PLXNA1: variants seen among roughly 807,000 people sequenced by gnomAD.
PLXNA1 encodes plexin A1.
PLXNA1 carries 77 observed loss-of-function variants against 191.7 expected under a neutral mutation model. That is an observed-to-expected ratio of 0.40 (90% confidence interval 0.33 to 0.49). The LOEUF (loss-of-function observed/expected upper bound fraction) is 0.49, where lower values mean the gene tolerates loss of function less well. Ranked by LOEUF, PLXNA1 falls within the 20% of genes least tolerant of loss-of-function variation. The probability of loss-of-function intolerance (pLI) is 0.63; values close to 1 mark genes in which losing one functional copy is unlikely to be tolerated. For missense variants in PLXNA1, 2,110 were observed against 2,660.2 expected (o/e 0.79, Z 4.55); for synonymous variants, 1,137 against 1,156.4 (o/e 0.98, Z 0.34).
At chr3:126,990,971 A>G (rs1006061684) in intron 2 of PLXNA1, among the ~76,000 whole-genome samples, 2 of 152,026 alleles carry the variant, frequency 1.3e-5, no homozygotes, top group African/African-American at 4.8e-5. Context: ...CATGTGGCCT[A>G]GCCCTGGCCC....
chr3:127,025,339 C>T (rs919051668), intron 23 of PLXNA1, among the ~76,000 whole-genome samples: 1 of 152,224 alleles, frequency 6.6e-6, no homozygotes, highest in African/African-American at 2.4e-5. Context: ...CCTTTTCAAA[C>T]TGGCTCCCTT....
chr3:126,989,616 C>A lies in PLXNA1; in HGVS notation c.1023C>A (p.Phe341Leu). The change falls in exon 2 of 32, where the codon TTC (phenylalanine) becomes TTA (leucine). Residue 341 changes from phenylalanine (F) to leucine (L), a missense_variant. By Grantham distance (22) the Phe-to-Leu change is conservative. Around this residue, in one of 4 missense-constraint regions of PLXNA1, gnomAD observed 903 missense variants for 1,015.7 expected, o/e 0.89. Transcript: ENST00000393409. The stretch of plus-strand genomic sequence containing the variant: ...ACGAGGACGTGCTGTTCACTGTGTT[C>A]GCCCAGGGCCAGAAGAACCGCGTGA... The part of the protein sequence containing the change: ...AEDEDVLFTV[F>L]AQGQKNRVKP... 1 of 1,613,082 alleles carries A rather than the reference C, an allele frequency of 6.2e-7. No homozygotes were observed. Among genetic ancestry groups the A allele is most frequent in the Non-Finnish European group, 8.5e-7 (1 of 1,180,010 alleles).
intron 23 of PLXNA1, among the ~76,000 whole-genome samples, chr3:127,023,221 CCATT>C (rs2079160850): frequency 6.6e-6 from 1 of 152,192 alleles, no homozygotes; most frequent in South Asian, 2.1e-4. Flanking sequence ...CCTGTGCTGT[CCATT>C]CAAGCCCCTC....
intron 27 of PLXNA1, 45 bp from the exon 28 acceptor site, chr3:127,029,829 T>C: frequency 1.3e-6 from 2 of 1,504,172 alleles, no homozygotes; most frequent in South Asian, 1.3e-5. Context: ...GGGCGGGGGG[T>C]GCGGGGTGCC....
chr3:127,002,404 GC>G (rs1372225110), intron 3 of PLXNA1, among the ~76,000 whole-genome samples: 2 of 152,238 alleles, frequency 1.3e-5, no homozygotes, highest in African/African-American at 4.8e-5. Flanking sequence ...CTCAGCCCAG[GC>G]CTGATGGATC....
chr3:126,991,763 G>A (rs1447176285), intron 3 of PLXNA1, among the ~76,000 whole-genome samples, 197 bp downstream of exon 3: 1 of 152,162 alleles, frequency 6.6e-6, no homozygotes, highest in African/African-American at 2.4e-5. Flanking sequence ...CTCTGCCCAT[G>A]ACTGGCCCCA....
At position 127,030,048 on chromosome 3, in the gene PLXNA1, G is replaced by A. The variant is rs901257549; in HGVS notation, c.5045G>A (p.Arg1682Gln). ...SKMVSEIYLT[R>Q]LLATKGTLQK... is the part of the protein sequence containing the mutation. ...ATGGTCTCGGAGATCTACTTGACAC[G>A]GCTACTGGCCACCAAGGTGGGCCTG... The change falls in exon 28 of 32, where the codon CGG becomes CAG. Residue 1682 changes from arginine to glutamine, a missense_variant. Coordinates refer to ENST00000393409, the MANE Select transcript of PLXNA1 (RefSeq NM_032242.4). 4 of 1,611,512 alleles carry A rather than the reference G, an allele frequency of 2.5e-6. No homozygotes were observed. Among genetic ancestry groups the A allele is most frequent in the Non-Finnish European group, 2.5e-6 (3 of 1,178,210 alleles).
In PLXNA1 at chr3:127,009,364, T is replaced by G. The variant is rs115814830; in HGVS notation, c.2112+1451T>G. Among the ~76,000 whole-genome samples the G allele has an allele frequency of 6.4e-3, 964 of 151,498 alleles. 10 individuals carry two copies. The highest frequency in any genetic ancestry group is 0.022 in the African/African-American group (905 of 41,248). On this transcript the variant is annotated intron_variant, in intron 9 of 31. Transcript: ENST00000393409. The stretch of plus-strand genomic sequence containing the variant: ...GGAGTAGTGGCCCTAGGCCTCAGGG[T>G]TGGGGAGGCAGAGCAGGCAGGGCTG...
chr3:127,015,756 G>C (rs2079119705), intron 15 of PLXNA1, among the ~76,000 whole-genome samples: 1 of 152,156 alleles, frequency 6.6e-6, no homozygotes, highest in South Asian at 2.1e-4. Flanking sequence ...CTAATCATTG[G>C]TGTCTGCAGC....
chr3:127,018,276 G>T lies in PLXNA1; in HGVS notation c.3661-18G>T. On this transcript the variant is annotated intron_variant, in intron 19 of 31. Coordinates refer to ENST00000393409, the MANE Select transcript of PLXNA1 (RefSeq NM_032242.4). ...GGAAAGCATGGGAAGCTCCTGAGTG[G>T]CCTCCACCCACTGGCAGGTGCGGGC... 6.3e-7 allele frequency: 1 copy of T among 1,575,710 alleles called. No homozygotes were observed. The highest frequency in any genetic ancestry group is 8.6e-7 in the Non-Finnish European group (1 of 1,158,714).
Position 126,990,618 on chromosome 3 carries a change from G to A in PLXNA1, c.1195-766G>A, listed in dbSNP as rs376241969. Reference sequence around the variant, plus strand: ...GCTGGCCATCGCAGGGGAAGGCCTCGCCCTCTCTGGCTGTAGTCTCCCATG... The same window carrying A: ...GCTGGCCATCGCAGGGGAAGGCCTCACCCTCTCTGGCTGTAGTCTCCCATG... On this transcript the variant is annotated intron_variant, in intron 2 of 31. Transcript: ENST00000393409. Among the ~76,000 whole-genome samples, 46 of 152,306 alleles carry A rather than the reference G, an allele frequency of 3.0e-4. No individual in the cohort carries two copies. In the South Asian group the frequency reaches 8.7e-3, roughly 29 times the overall value.
chr3:127,028,678 G>T, intron 25 of PLXNA1: 1 of 525,476 alleles, frequency 1.9e-6, no homozygotes, highest in Admixed American at 3.5e-5. Flanking sequence ...GGGGCCCGGA[G>T]TCCTGCTGCA....
rs1275067193 is a variant in PLXNA1, at chr3:127,022,218, C to A, written c.4172C>A (p.Ser1391Ter). The change falls in exon 22 of 32, where the codon TCG becomes TAG. Residue 1391 changes from serine (S) to a stop codon, truncating the protein, a stop_gained. Transcript: ENST00000393409. LOFTEE classifies it high-confidence loss of function. ...FSMRDRGNVASLIMTALQGEM... is the reference protein window; with the variant it reads ...FSMRDRGNVA ...ATGCGCGACCGCGGGAATGTGGCCT[C>A]GCTCATCATGACGGCCCTGCAGGGC... 1 of 1,613,310 alleles carries A rather than the reference C, an allele frequency of 6.2e-7. No homozygotes were observed. Among genetic ancestry groups the A allele is most frequent in the Non-Finnish European group, 8.5e-7 (1 of 1,179,992 alleles).
intron 15 of PLXNA1, among the ~76,000 whole-genome samples, chr3:127,015,788 G>A (rs976417477): frequency 1.3e-5 from 2 of 152,112 alleles, no homozygotes; most frequent in Non-Finnish European, 1.5e-5. Context: ...GGTGGCTGTG[G>A]GGCTCCTGGC....
intron 9 of PLXNA1, among the ~76,000 whole-genome samples, chr3:127,008,819 C>T (rs1354745738): frequency 1.3e-5 from 2 of 152,130 alleles, no homozygotes; most frequent in Non-Finnish European, 2.9e-5. Flanking sequence ...CCCTGGCCCC[C>T]AGCGTCACCC....
chr3:127,011,082 G>T (rs1393004892), intron 9 of PLXNA1, among the ~76,000 whole-genome samples: 1 of 152,218 alleles, frequency 6.6e-6, no homozygotes, highest in Non-Finnish European at 1.5e-5. Context: ...GCGCGCCTCA[G>T]ACTGCCAGGG....
At chr3:127,023,816 T>G (rs2079164208) in intron 23 of PLXNA1, among the ~76,000 whole-genome samples, 2 of 148,962 alleles carry the variant, frequency 1.3e-5, no homozygotes, top group African/African-American at 5.0e-5. Flanking sequence ...GCAGGGAGGG[T>G]GGGATTCGAG....
intron 10 of PLXNA1, among the ~76,000 whole-genome samples, chr3:127,012,653 A>G (rs1559960629): frequency 1.3e-5 from 2 of 152,264 alleles, no homozygotes; most frequent in East Asian, 1.9e-4. Context: ...GCACTTGCAC[A>G]CTAGCAGACG....
At chr3:127,026,990 G>T (rs2079179527) in intron 23 of PLXNA1, 1 of 157,122 alleles carries the variant, frequency 6.4e-6, no homozygotes, top group East Asian at 1.9e-4. Context: ...TAGCAGTAGG[G>T]TATAGTGAGC....
Sources: allele counts gnomAD v4.1 joint callset (sites outside exome capture counted in the v4.1 genomes callset), GRCh38; gene constraint gnomAD v4.1.1; regional missense constraint gnomAD v4.1.1; transcripts MANE v1.5; gene names NCBI Gene and HGNC (gene_info 2026-07-23, HGNC 2026-07-21).